Variants in MACROD1 observed in about 807,000 individuals in gnomAD.
The protein encoded by MACROD1 is mono-ADP ribosylhydrolase 1.
MACROD1 carries 31 observed loss-of-function variants against 41.4 expected under a neutral mutation model. The observed-to-expected ratio is 0.75, with a 90% CI of 0.56 to 1.01. The LOEUF (loss-of-function observed/expected upper bound fraction) is 1.01. MACROD1 is among the 50% of genes least tolerant of loss of function. MACROD1 has a pLI of 0.00. For synonymous variants in MACROD1, 252 were observed against 203.4 expected (o/e 1.24, Z -2.03); for missense variants, 473 against 460.0 (o/e 1.03, Z -0.26).
intron 3 of MACROD1, among the ~76,000 whole-genome samples, chr11:64,057,874 C>T (rs187928977): frequency 3.9e-5 from 6 of 152,316 alleles, no homozygotes; most frequent in African/African-American, 7.2e-5. Context: ...GGCACGAATT[C>T]GTGAGGTCAC....
rs1438167601 is a variant in MACROD1 at position 64,165,865 on chromosome 11, G to C, written c.130C>G (p.Pro44Ala). Residue 44 changes from proline (P) to alanine (A), a missense_variant, in exon 1 of 11, where the codon CCC (proline) becomes GCC (alanine). Physicochemically the swap from Pro to Ala is conservative, Grantham distance 27. Coordinates refer to ENST00000255681, the MANE Select transcript of MACROD1 (RefSeq NM_014067.4). ...ATRTRSSTCG[P>A]PAFLGVFGRR... ...CCGAACACGCCCAGGAACGCCGGGG[G>C]ACCGCACGTGCTGCTGCGGGTCCTC... 1.4e-5 allele frequency: 20 copies of C among 1,446,818 alleles called. No individual in the cohort carries two copies. Among genetic ancestry groups the C allele is most frequent in the African/African-American group, 1.0e-4 (7 of 67,350 alleles). The allele number at this position is 1,446,818 out of a possible 1,614,324, so 89.6% of individuals were successfully genotyped here. A position where few individuals can be genotyped will look rare whatever the true frequency, so the allele number is the denominator to read the frequency against.
intron 3 of MACROD1, among the ~76,000 whole-genome samples, chr11:64,114,901 C>A (rs1388016359): frequency 6.6e-6 from 1 of 152,150 alleles, no homozygotes; most frequent in Non-Finnish European, 1.5e-5. Context: ...GCAAGAGTAG[C>A]TTGCTCGATG....
At chr11:64,155,205 AG>A (rs1340363726) in intron 1 of MACROD1, among the ~76,000 whole-genome samples, 1 of 152,240 alleles carries the variant, frequency 6.6e-6, no homozygotes, top group Non-Finnish European at 1.5e-5. Flanking sequence ...TTCTAGGCAG[AG>A]GGAACAGTAT....
chr11:64,071,718 G>A (rs1237102989), intron 3 of MACROD1, among the ~76,000 whole-genome samples: 1 of 152,192 alleles, frequency 6.6e-6, no homozygotes, highest in Non-Finnish European at 1.5e-5. Flanking sequence ...AAGGCCCTTT[G>A]TCAAGCAGGA....
chr11:64,123,716 G>A (rs1453043722), intron 3 of MACROD1, among the ~76,000 whole-genome samples: 1 of 152,252 alleles, frequency 6.6e-6, no homozygotes, highest in East Asian at 1.9e-4. Flanking sequence ...TTAGAAAGTA[G>A]GACTCTAGAG....
chr11:64,154,735 T>C (rs1945641087), intron 1 of MACROD1, among the ~76,000 whole-genome samples: 1 of 152,188 alleles, frequency 6.6e-6, no homozygotes, highest in African/African-American at 2.4e-5. Context: ...TTTTATTTTT[T>C]TTTGAGACGG....
intron 3 of MACROD1, among the ~76,000 whole-genome samples, chr11:64,031,267 T>C (rs1265404262): frequency 6.6e-6 from 1 of 152,142 alleles, no homozygotes; most frequent in Non-Finnish European, 1.5e-5. Context: ...GCACCCTCTC[T>C]GGGACTTTCC....
intron 3 of MACROD1, among the ~76,000 whole-genome samples, chr11:64,091,340 T>C (rs1944486235): frequency 6.6e-6 from 1 of 152,076 alleles, no homozygotes; most frequent in Admixed American, 6.5e-5. Context: ...TTCTGTCAAG[T>C]TTCCTGCCGT....
intron 3 of MACROD1, among the ~76,000 whole-genome samples, chr11:64,027,828 G>A (rs565980730): frequency 2.0e-5 from 3 of 152,296 alleles, no homozygotes; most frequent in African/African-American, 7.2e-5. Flanking sequence ...CCCCCACCAC[G>A]GATTTGAAAC....
intron 3 of MACROD1, among the ~76,000 whole-genome samples, chr11:64,112,600 T>A (rs1590925277): frequency 6.6e-6 from 1 of 152,200 alleles, no homozygotes; most frequent in Non-Finnish European, 1.5e-5. Flanking sequence ...AGCAAGGAAC[T>A]GAGAGGAGTA....
intron 3 of MACROD1, among the ~76,000 whole-genome samples, chr11:64,123,500 C>T (rs1945131432): frequency 7.6e-6 from 1 of 132,128 alleles, no homozygotes; most frequent in Non-Finnish European, 1.5e-5. Context: ...AAGTGGCTAT[C>T]TGCATAGCAG....
intron 3 of MACROD1, among the ~76,000 whole-genome samples, chr11:64,140,273 A>G (rs750857880): frequency 6.6e-6 from 1 of 152,174 alleles, no homozygotes; most frequent in South Asian, 2.1e-4. Flanking sequence ...ATCTTTCCCA[A>G]TGGAAGGCAG....
At chr11:64,023,336 G>A (rs114365715) in intron 3 of MACROD1, among the ~76,000 whole-genome samples, 2,313 of 152,168 alleles carry the variant, frequency 0.015, 56 homozygotes, top group African/African-American at 0.053. Context: ...TGTGATCTCG[G>A]GTCAGCTGCC....
intron 3 of MACROD1, among the ~76,000 whole-genome samples, chr11:64,095,921 G>A (rs948660149): frequency 6.6e-6 from 1 of 152,308 alleles, no homozygotes; most frequent in Middle Eastern, 3.4e-3. Context: ...GGCAGAGCCT[G>A]GGTTCTCTGA....
chr11:64,126,104 C>T (rs970550972), intron 3 of MACROD1, among the ~76,000 whole-genome samples: 5 of 152,154 alleles, frequency 3.3e-5, no homozygotes, highest in East Asian at 1.9e-4. Flanking sequence ...GTTCTGAGTA[C>T]GCAGGTGAGA....
intron 3 of MACROD1, among the ~76,000 whole-genome samples, chr11:64,070,330 G>C (rs970317806): frequency 1.3e-5 from 2 of 152,096 alleles, no homozygotes; most frequent in East Asian, 1.9e-4. Flanking sequence ...GGGGGCCTCG[G>C]AGCTGTGACT....
chr11:64,104,475 G>C (rs1456948158), intron 3 of MACROD1, among the ~76,000 whole-genome samples: 2 of 152,080 alleles, frequency 1.3e-5, no homozygotes. Flanking sequence ...GCCTCTCCTG[G>C]AGTAAATGGC....
At chr11:64,010,960 ATGTTGGTTGGCATG>A (rs1943004547) in intron 4 of MACROD1, among the ~76,000 whole-genome samples, 1 of 113,996 alleles carries the variant, frequency 8.8e-6, no homozygotes, top group Non-Finnish European at 1.7e-5. Flanking sequence ...GTTGGCTGGC[ATGTTGGTTGGCATG>A]TGTTGGTTGG....
At chr11:64,116,466 T>C in intron 3 of MACROD1, 1 of 1,614,060 alleles carries the variant, frequency 6.2e-7, no homozygotes, top group Non-Finnish European at 8.5e-7. Flanking sequence ...CTTCATCTAC[T>C]GCAACGACCG....
Sources: allele counts gnomAD v4.1 joint callset (sites outside exome capture counted in the v4.1 genomes callset), GRCh38; gene constraint gnomAD v4.1.1; transcripts MANE v1.5; gene names NCBI Gene and HGNC (gene_info 2026-07-23, HGNC 2026-07-21).